The following KLRG1 variants were observed in gnomAD, a reference collection of about 807,000 sequenced individuals.
The protein encoded by KLRG1 is killer cell lectin-like receptor subfamily G member 1.
Under a neutral mutation model 21.8 loss-of-function variants are expected in KLRG1, and 16 were observed. The ratio of observed to expected loss-of-function variants is 0.73; its 90% confidence interval spans 0.50 to 1.11. The LOEUF (loss-of-function observed/expected upper bound fraction) is 1.11. Among genes scored for constraint, KLRG1 ranks in the 50% most tolerant of loss-of-function variants. The pLI is 0.00. For missense variants in KLRG1, 173 were observed against 218.3 expected (o/e 0.79, Z 1.31); for synonymous variants, 69 against 75.9 (o/e 0.91, Z 0.47).
the KLRG1 span, chr12:9,104,243 A>G: frequency 6.2e-7 from 1 of 1,608,280 alleles, no homozygotes; most frequent in Non-Finnish European, 8.5e-7. Flanking sequence ...ACTTACCCTA[A>G]CAGTAAGAGA....
the KLRG1 span, chr12:9,106,091 T>C: frequency 3.8e-6 from 2 of 532,740 alleles, no homozygotes; most frequent in Non-Finnish European, 6.7e-6. Context: ...CCTTTGGTTA[T>C]ACTAATCAAG....
the KLRG1 span, among the ~76,000 whole-genome samples, chr12:9,062,989 G>T: frequency 1.8e-4 from 27 of 152,138 alleles, no homozygotes; most frequent in African/African-American, 6.5e-4. Flanking sequence ...TGGACATAAA[G>T]TATTTGAGAG....
the KLRG1 span, among the ~76,000 whole-genome samples, chr12:9,151,845 C>T: frequency 6.6e-6 from 1 of 152,196 alleles, no homozygotes; most frequent in Non-Finnish European, 1.5e-5. Context: ...CACATTAGAG[C>T]CTCTGGCATC....
At chr12:9,105,546 T>C in the KLRG1 span, among the ~76,000 whole-genome samples, 5 of 152,154 alleles carry the variant, frequency 3.3e-5, no homozygotes, top group South Asian at 8.3e-4. Context: ...TAAATACACA[T>C]TGAGGCACAT....
the KLRG1 span, among the ~76,000 whole-genome samples, chr12:9,208,944 T>C: frequency 1.3e-5 from 2 of 152,220 alleles, no homozygotes; most frequent in African/African-American, 4.8e-5. Context: ...CACTTGTCTA[T>C]TTCACAGCAT....
rs201984330 is a variant in KLRG1, at chr12:8,992,327, A to G, written c.187+17A>G. 3.5e-4 allele frequency: 522 copies of G among 1,508,928 alleles called. 5 individuals are homozygous for G. The South Asian group carries it at 3.5e-3, about 10-fold the overall frequency. The allele number at this position is 1,508,928 out of a possible 1,614,324, so 93.5% of individuals were successfully genotyped here. On this transcript the variant is annotated intron_variant, in intron 2 of 4. Coordinates refer to ENST00000356986, the MANE Select transcript of KLRG1 (RefSeq NM_005810.4). ...TGTGCCAGGGTAAGTGCAAACTTAAACCAAAATTAATCTTTCATTTTATAT... is the reference window on the plus strand; with the variant it reads ...TGTGCCAGGGTAAGTGCAAACTTAAGCCAAAATTAATCTTTCATTTTATAT...
At chr12:8,995,487 C>G in intron 3 of KLRG1, among the ~76,000 whole-genome samples, 199 bp downstream of exon 3, 1 of 152,062 alleles carries the variant, frequency 6.6e-6, no homozygotes, top group Non-Finnish European at 1.5e-5. Context: ...CCTCCCCACT[C>G]TTTACCCTTA....
the KLRG1 span, chr12:9,072,797 C>T: frequency 6.2e-7 from 1 of 1,614,056 alleles, no homozygotes; most frequent in African/African-American, 1.3e-5. Flanking sequence ...GGATAGTCAC[C>T]TGTGCAGCCT....
chr12:9,110,965 A>T, the KLRG1 span, among the ~76,000 whole-genome samples: 1 of 152,166 alleles, frequency 6.6e-6, no homozygotes, highest in African/African-American at 2.4e-5. Context: ...TTGCTATGCA[A>T]TTTTACAGGT....
chr12:9,067,479 G>T, the KLRG1 span: 1 of 336,814 alleles, frequency 3.0e-6, no homozygotes, highest in Non-Finnish European at 5.6e-6. Flanking sequence ...TTTTCATAGG[G>T]TATTCCCATA....
chr12:9,095,986 C>T, the KLRG1 span, among the ~76,000 whole-genome samples: 3 of 151,672 alleles, frequency 2.0e-5, no homozygotes, highest in South Asian at 6.3e-4. Context: ...GTCTCGATCT[C>T]CTGACCTCAT....
the KLRG1 span, among the ~76,000 whole-genome samples, chr12:9,164,520 A>G: frequency 6.6e-6 from 1 of 152,212 alleles, no homozygotes; most frequent in Non-Finnish European, 1.5e-5. Flanking sequence ...GGAAAGGGAA[A>G]AGCAGTGATT....
the KLRG1 span, chr12:9,203,735 G>C: frequency 1.9e-6 from 3 of 1,610,542 alleles, no homozygotes; most frequent in Non-Finnish European, 2.5e-6. Flanking sequence ...AATGTATCAA[G>C]CAGGGATAGC....
At chr12:9,163,668 C>G in the KLRG1 span, 1 of 1,612,812 alleles carries the variant, frequency 6.2e-7, no homozygotes, top group South Asian at 1.1e-5. Context: ...AATATGTTAC[C>G]TCCACCAACA....
chr12:9,093,453 G>T, the KLRG1 span: 1 of 1,589,440 alleles, frequency 6.3e-7, no homozygotes, highest in South Asian at 1.1e-5. Context: ...GCATATGCAG[G>T]AAGTTACTTA....
At chr12:9,183,909 A>G in the KLRG1 span, among the ~76,000 whole-genome samples, 3 of 152,202 alleles carry the variant, frequency 2.0e-5, no homozygotes, top group Admixed American at 6.5e-5. Context: ...GTGTTATGCC[A>G]TTCATATTTG....
the KLRG1 span, among the ~76,000 whole-genome samples, chr12:9,141,384 ATT>A: frequency 6.6e-6 from 1 of 152,174 alleles, no homozygotes; most frequent in African/African-American, 2.4e-5. Flanking sequence ...TTGTAGATAC[ATT>A]TACCCGATTT....
chr12:9,047,769 CA>C, the KLRG1 span, among the ~76,000 whole-genome samples: 5 of 152,160 alleles, frequency 3.3e-5, no homozygotes, highest in African/African-American at 1.2e-4. Context: ...TAATTTCAGA[CA>C]AATCACATCT....
At chr12:9,014,124 C>T (rs1947668080), downstream of KLRG1, among the ~76,000 whole-genome samples, 1 of 151,908 alleles carries the variant, frequency 6.6e-6, no homozygotes, top group South Asian at 2.1e-4. Flanking sequence ...GAGAAAATAG[C>T]CTCAAAAGGC....
Sources: allele counts gnomAD v4.1 joint callset (sites outside exome capture counted in the v4.1 genomes callset), GRCh38; gene constraint gnomAD v4.1.1; transcripts MANE v1.5; gene names NCBI Gene and HGNC (gene_info 2026-07-23, HGNC 2026-07-21).